The following NUCB2 variants were observed in gnomAD, a reference collection of about 807,000 sequenced individuals.
NUCB2 encodes the protein nucleobindin-2.
In NUCB2, 48 loss-of-function variants were observed where a neutral mutation model predicts 57.9. The ratio of observed to expected loss-of-function variants is 0.83; its 90% CI spans 0.66 to 1.05. NUCB2 has a LOEUF of 1.05. Among genes scored for constraint, NUCB2 ranks in the 50% least tolerant of loss-of-function variants. NUCB2 has a pLI of 0.00. For synonymous variants in NUCB2, 139 were observed against 152.1 expected (o/e 0.91, Z 0.64); for missense variants, 442 against 476.2 (o/e 0.93, Z 0.67).
At chr11:17,300,907 A>G (rs913084563) in intron 4 of NUCB2, among the ~76,000 whole-genome samples, 4 of 150,078 alleles carry the variant, frequency 2.7e-5, no homozygotes, top group African/African-American at 7.4e-5. Flanking sequence ...TTGTGCTTTA[A>G]TGATGCTTTT....
intron 2 of NUCB2, among the ~76,000 whole-genome samples, chr11:17,291,712 G>A (rs1380220991): frequency 6.6e-6 from 1 of 152,002 alleles, no homozygotes; most frequent in Non-Finnish European, 1.5e-5. Context: ...TGAAATCAAG[G>A]AGGAGCTTTG....
Position 17,348,579 on chromosome 11 carries a change from A to T in NUCB2, n.2627-766A>T, listed in dbSNP as rs138824316. 3.9e-4 allele frequency among the ~76,000 whole-genome samples: 59 copies of T among 151,694 alleles called. 1 individual carries two copies. In the South Asian group the frequency reaches 0.012, roughly 30 times the overall value. ...GATTCCAAACTCCTGAGCTCAAGTGATCCTCCTGTCTTGGCTTCCCAAAGT... is the reference window on the plus strand; with the variant it reads ...GATTCCAAACTCCTGAGCTCAAGTGTTCCTCCTGTCTTGGCTTCCCAAAGT... On this transcript the variant is annotated intron_variant and non_coding_transcript_variant, in intron 2 of 2. Transcript: ENST00000532240.
intron 2 of NUCB2, among the ~76,000 whole-genome samples, chr11:17,343,960 T>C (rs891908563): frequency 7.5e-4 from 114 of 152,306 alleles, no homozygotes; most frequent in Non-Finnish European, 1.3e-3. Flanking sequence ...CAAGGTTGAT[T>C]TTTTGGGGAA....
downstream of NUCB2, among the ~76,000 whole-genome samples, chr11:17,335,920 CTT>C (rs1359844242): frequency 6.6e-6 from 1 of 152,182 alleles, no homozygotes; most frequent in East Asian, 1.9e-4. Context: ...GTTTAGCTGA[CTT>C]AGTGAAATTT....
chr11:17,281,229 A>T (rs1284356348), intron 1 of NUCB2, among the ~76,000 whole-genome samples: 2 of 151,684 alleles, frequency 1.3e-5, no homozygotes, highest in South Asian at 4.2e-4. Context: ...CAACCCTCCC[A>T]TCTCAGCTTC....
At position 17,282,240 on chromosome 11, in the gene NUCB2, A is replaced by ATCTATCTATCTATC. The variant is rs1206325646; in HGVS notation, c.-155-548_-155-547insCTATCTATCTATCT. Among the ~76,000 whole-genome samples, 66 of 107,034 alleles carry ATCTATCTATCTATC rather than the reference A, an allele frequency of 6.2e-4. 2 individuals are homozygous for ATCTATCTATCTATC. Among genetic ancestry groups the ATCTATCTATCTATC allele is most frequent in the Admixed American group, 3.6e-3 (35 of 9,640 alleles). The allele number at this position is 107,034 out of a possible 152,430, so 70.2% of individuals were successfully genotyped here. A position where few individuals can be genotyped will look rare whatever the true frequency, so the allele number is the denominator to read the frequency against. On this transcript the variant is annotated intron_variant, in intron 1 of 13. Coordinates refer to ENST00000529010, the MANE Select transcript of NUCB2 (RefSeq NM_005013.4). Reference sequence around the variant, plus strand: ...TATATCTATCTATCTATCTATCTATATATATATATATATATATATTTTTTT... The same window carrying ATCTATCTATCTATC: ...TATATCTATCTATCTATCTATCTATATCTATCTATCTATCTATATATATATATATATATTTTTTT...
At chr11:17,306,911 C>CAA (rs200996662) in intron 5 of NUCB2, among the ~76,000 whole-genome samples, 4,209 of 79,924 alleles carry the variant, frequency 0.053, 509 homozygotes, top group East Asian at 0.52. Context: ...GACTCCGTCT[C>CAA]AAAAAAAAAA....
chr11:17,324,806 A>G (rs1380939682), intron 11 of NUCB2, among the ~76,000 whole-genome samples: 1 of 112,266 alleles, frequency 8.9e-6, no homozygotes, highest in East Asian at 4.1e-4. Flanking sequence ...TTATTTATTT[A>G]TTTATTTATT....
rs188340798 is a variant in NUCB2 at position 17,278,115 on chromosome 11, T to G, written c.-156+1287T>G. On this transcript the variant is annotated intron_variant, in intron 1 of 13. Transcript: ENST00000529010. ...TTAGAAACTTAAAGGAGGCAAAAAT[T>G]TATTTCTGTCTCCGTGTGTTTACTC... 3.4e-4 allele frequency among the ~76,000 whole-genome samples: 51 copies of G among 151,842 alleles called. No homozygotes were observed. In the East Asian group the frequency reaches 6.2e-3, roughly 18 times the overall value.
chr11:17,340,684 GC>G lies in NUCB2; in HGVS notation n.2626+3151del, dbSNP rs569916929. 3.7e-3 allele frequency among the ~76,000 whole-genome samples: 566 copies of G among 152,234 alleles called. 3 individuals are homozygous for G. Among genetic ancestry groups the G allele is most frequent in the Non-Finnish European group, 6.2e-3 (423 of 68,024 alleles). On this transcript the variant is annotated intron_variant and non_coding_transcript_variant, in intron 2 of 2. Coordinates refer to the NUCB2 transcript ENST00000532240. ...TAGATATGCGGCATTATTTCTGAGG[GC>G]TCTGTTCTTTTCCATTGGTCTATAT...
At chr11:17,336,967 GTC>G (rs1229734824), downstream of NUCB2, among the ~76,000 whole-genome samples, 2 of 151,594 alleles carry the variant, frequency 1.3e-5, no homozygotes, top group Non-Finnish European at 2.9e-5. Flanking sequence ...TAGAGATGGG[GTC>G]TCTCTCTGTC....
At chr11:17,282,240 A>C (rs2035689) in intron 1 of NUCB2, among the ~76,000 whole-genome samples, 35,866 of 105,136 alleles carry the variant, frequency 0.34, 6,155 homozygotes, top group East Asian at 0.62. Flanking sequence ...ATCTATCTAT[A>C]TATATATATA....
At chr11:17,328,741 C>T (rs980032736) in intron 11 of NUCB2, among the ~76,000 whole-genome samples, 5 of 152,126 alleles carry the variant, frequency 3.3e-5, no homozygotes, top group African/African-American at 1.2e-4. Flanking sequence ...AAATGCTGTC[C>T]AAGAGCCAAG....
chr11:17,341,080 A>G (rs1057037042), intron 2 of NUCB2, among the ~76,000 whole-genome samples: 2 of 152,206 alleles, frequency 1.3e-5, no homozygotes, highest in Non-Finnish European at 2.9e-5. Context: ...TCTTTGAAGC[A>G]ATTGTGAATG....
At chr11:17,300,437 G>A (rs973113433) in intron 4 of NUCB2, among the ~76,000 whole-genome samples, 7 of 151,920 alleles carry the variant, frequency 4.6e-5, no homozygotes, top group East Asian at 1.9e-4. Context: ...TCCTAATTGC[G>A]CCCCTTTCCC....
At chr11:17,338,255 T>C (rs1016591245) in intron 2 of NUCB2, among the ~76,000 whole-genome samples, 1 of 152,210 alleles carries the variant, frequency 6.6e-6, no homozygotes, top group African/African-American at 2.4e-5. Flanking sequence ...CAAACAATTA[T>C]ATTTCATGTT....
At chr11:17,302,656 G>C (rs1946934105) in intron 5 of NUCB2, among the ~76,000 whole-genome samples, 1 of 151,392 alleles carries the variant, frequency 6.6e-6, no homozygotes, top group South Asian at 2.1e-4. Context: ...CTGCAGCCTT[G>C]AACTCCTAGG....
Position 17,301,724 on chromosome 11 carries a change from C to G in NUCB2, c.253-20C>G, listed in dbSNP as rs1296972970. The G allele has an allele frequency of 6.3e-7, 1 of 1,592,674 alleles. No individual in the cohort carries two copies. Among genetic ancestry groups the G allele is most frequent in the East Asian group, 2.2e-5 (1 of 44,728 alleles). On this transcript the variant is annotated intron_variant, in intron 4 of 13. Transcript: ENST00000529010. ...AATGGAATGTAATAGATAAAACTAA[C>G]TTACTAATTTTGTTAACAGAGTGGG...
chr11:17,310,909 G>A lies in NUCB2; in HGVS notation c.568G>A (p.Glu190Lys), dbSNP rs371273140. ...YEMMKEHERR[E>K]YLKTLNEEKR... ...AATGATGAAGGAACATGAAAGGAGA[G>A]AATATTTAAAAACATTGAATGAAGA... Residue 190 changes from glutamate (E) to lysine (K), a missense_variant, in exon 7 of 14, where the codon GAA (glutamate) becomes AAA (lysine). Coordinates refer to ENST00000529010, the MANE Select transcript of NUCB2 (RefSeq NM_005013.4). 1.3e-6 allele frequency: 2 copies of A among 1,591,082 alleles called. No homozygotes were observed. The highest frequency in any genetic ancestry group is 1.7e-6 in the Non-Finnish European group (2 of 1,171,412).
Sources: gnomAD v4.1 joint callset for allele counts (sites outside exome capture counted in the v4.1 genomes callset) on GRCh38, gnomAD v4.1.1 for gene constraint, MANE v1.5 for transcripts, NCBI Gene and HGNC (gene_info 2026-07-23, HGNC 2026-07-21) for gene names.